The following ACTN2 variants were observed in gnomAD, a reference collection of about 807,000 sequenced individuals.
ACTN2 encodes the protein alpha-actinin-2.
In ACTN2, 39 loss-of-function variants were observed where a neutral mutation model predicts 113.8. The ratio of observed to expected loss-of-function variants is 0.34; its 90% CI spans 0.27 to 0.45. The LOEUF (loss-of-function observed/expected upper bound fraction) is 0.45. ACTN2 is among the 20% of genes least tolerant of loss of function. ACTN2 has a pLI of 1.00. For missense variants in ACTN2, 992 were observed against 1,177.9 expected (o/e 0.84, Z 2.31); for synonymous variants, 429 against 444.1 (o/e 0.97, Z 0.43).
At chr1:236,713,045 G>T (rs1658081390) in intron 1 of ACTN2, among the ~76,000 whole-genome samples, 1 of 151,590 alleles carries the variant, frequency 6.6e-6, no homozygotes, top group South Asian at 2.1e-4. Flanking sequence ...TGAAGATGGG[G>T]CCTGGGGTGT....
intron 1 of ACTN2, among the ~76,000 whole-genome samples, chr1:236,717,376 G>T (rs895353136): frequency 6.6e-6 from 1 of 152,144 alleles, no homozygotes; most frequent in Non-Finnish European, 1.5e-5. Context: ...GGTTGAGGCT[G>T]CAGTGAGCCA....
At chr1:236,747,854 G>C (rs1310968849) in intron 13 of ACTN2, 79 bp downstream of exon 13, 1 of 1,135,822 alleles carries the variant, frequency 8.8e-7, no homozygotes, top group East Asian at 2.5e-5. Context: ...TTCATTGTGT[G>C]TTTCTCTGTG....
chr1:236,730,141 A>G (rs1207764317), intron 6 of ACTN2, among the ~76,000 whole-genome samples: 1 of 152,258 alleles, frequency 6.6e-6, no homozygotes, highest in Admixed American at 6.5e-5. Flanking sequence ...CAGAGGCCAC[A>G]TGGCCGATAG....
At chr1:236,712,613 A>G (rs1482513690) in intron 1 of ACTN2, among the ~76,000 whole-genome samples, 7 of 152,126 alleles carry the variant, frequency 4.6e-5, no homozygotes, top group Non-Finnish European at 8.8e-5. Flanking sequence ...GAGCCATGAT[A>G]GCACCACTGC....
intron 1 of ACTN2, among the ~76,000 whole-genome samples, chr1:236,698,432 G>T (rs1044898219): frequency 2.0e-5 from 3 of 152,218 alleles, no homozygotes; most frequent in Non-Finnish European, 4.4e-5. Flanking sequence ...TCCACTTAGA[G>T]ATTATGTGTA....
chr1:236,710,214 A>T (rs1657984005), intron 1 of ACTN2, among the ~76,000 whole-genome samples: 1 of 152,244 alleles, frequency 6.6e-6, no homozygotes, highest in African/African-American at 2.4e-5. Flanking sequence ...TTTTTCACTC[A>T]TTTTGATTAA....
At chr1:236,736,774 G>T (rs559466198) in intron 8 of ACTN2, 5 of 749,050 alleles carry the variant, frequency 6.7e-6, no homozygotes, top group Admixed American at 5.4e-5. Flanking sequence ...GGAGAGTTCA[G>T]GTGGACATTC....
intron 7 of ACTN2, 64 bp downstream of exon 7, chr1:236,731,378 A>C: frequency 7.3e-7 from 1 of 1,374,922 alleles, no homozygotes; most frequent in Non-Finnish European, 1.0e-6. Context: ...TTATGGCTAC[A>C]CATTGGGACC....
At chr1:236,693,911 C>T (rs1005881726) in intron 1 of ACTN2, among the ~76,000 whole-genome samples, 1 of 152,172 alleles carries the variant, frequency 6.6e-6, no homozygotes, top group African/African-American at 2.4e-5. Context: ...CAGGCCTGAA[C>T]TAGCCCCATC....
chr1:236,743,868 G>A (rs188557063), intron 11 of ACTN2, among the ~76,000 whole-genome samples: 14 of 152,240 alleles, frequency 9.2e-5, no homozygotes, highest in East Asian at 5.8e-4. Flanking sequence ...GGGAATCACC[G>A]TAAGACCTCC....
intron 3 of ACTN2, among the ~76,000 whole-genome samples, chr1:236,719,810 A>G (rs538382530): frequency 1.0e-3 from 158 of 152,246 alleles, no homozygotes; most frequent in African/African-American, 3.5e-3. Context: ...AAAAAAAAAA[A>G]AAACCTTAGC....
chr1:236,732,861 A>T (rs1658752864), intron 7 of ACTN2, among the ~76,000 whole-genome samples: 1 of 152,226 alleles, frequency 6.6e-6, no homozygotes, highest in Non-Finnish European at 1.5e-5. Flanking sequence ...ATAAGGTTAC[A>T]TTCACAGGAG....
At chr1:236,750,370 T>G (rs1402012247) in intron 14 of ACTN2, among the ~76,000 whole-genome samples, 1 of 152,068 alleles carries the variant, frequency 6.6e-6, no homozygotes, top group Non-Finnish European at 1.5e-5. Flanking sequence ...AACATTGGAG[T>G]TGCCTTTTGA....
Position 236,691,662 on chromosome 1 carries a change from TAAG to T in ACTN2, c.126+4864_126+4866del, listed in dbSNP as rs895621097. ...CCCATCTCAAAAAATAAAAAAATAA[TAAG>T]TGTAGTATAATAAGTGTTTACCTTT... On this transcript the variant is annotated intron_variant, in intron 1 of 20. Coordinates refer to ENST00000366578, the MANE Select transcript of ACTN2 (RefSeq NM_001103.4). Among the ~76,000 whole-genome samples, 35 of 152,026 alleles carry T rather than the reference TAAG, an allele frequency of 2.3e-4. 1 individual carries two copies. The highest frequency in any genetic ancestry group is 8.0e-4 in the African/African-American group (33 of 41,402).
chr1:236,716,017 T>G (rs1273628128), intron 1 of ACTN2, among the ~76,000 whole-genome samples: 2 of 151,454 alleles, frequency 1.3e-5, no homozygotes, highest in Non-Finnish European at 2.9e-5. Flanking sequence ...TGTTTAGACC[T>G]GACTAAAGCT....
intron 1 of ACTN2, among the ~76,000 whole-genome samples, chr1:236,690,928 G>A (rs888795307): frequency 1.0e-4 from 15 of 144,720 alleles, no homozygotes; most frequent in Admixed American, 6.1e-4. Flanking sequence ...CCCCCTCCTC[G>A]GGTGTACTTT....
At chr1:236,715,589 A>G (rs1312210078) in intron 1 of ACTN2, among the ~76,000 whole-genome samples, 1 of 152,072 alleles carries the variant, frequency 6.6e-6, no homozygotes, top group Non-Finnish European at 1.5e-5. Flanking sequence ...TTTAAATTTT[A>G]TTTTAATTAG....
At chr1:236,729,503 G>T (rs1658656006) in intron 6 of ACTN2, among the ~76,000 whole-genome samples, 1 of 152,152 alleles carries the variant, frequency 6.6e-6, no homozygotes, top group South Asian at 2.1e-4. Flanking sequence ...TTTGCATGCT[G>T]ACCTCACTCG....
chr1:236,753,598 C>T (rs1659464654), intron 15 of ACTN2, among the ~76,000 whole-genome samples: 1 of 152,238 alleles, frequency 6.6e-6, no homozygotes, highest in Non-Finnish European at 1.5e-5. Context: ...ATCCTCTGTA[C>T]TCTGGACCTG....
Sources: allele counts gnomAD v4.1 joint callset (sites outside exome capture counted in the v4.1 genomes callset), GRCh38; gene constraint gnomAD v4.1.1; transcripts MANE v1.5; gene names NCBI Gene and HGNC (gene_info 2026-07-23, HGNC 2026-07-21).